Variants in RFX8 observed in about 807,000 individuals in gnomAD.
RFX8 encodes regulatory factor X8, also known as DNA-binding protein RFX8.
In RFX8, 46 loss-of-function variants were observed where a neutral mutation model predicts 54.6. The observed-to-expected ratio is 0.84, with a 90% confidence interval of 0.67 to 1.08. The LOEUF is 1.08. RFX8 is among the 50% of genes least tolerant of loss of function. RFX8 has a pLI of 0.00. For missense variants in RFX8, 536 were observed against 562.3 expected, an observed-to-expected ratio of 0.95 and a Z score of 0.47; for synonymous variants, 192 against 209.5, an observed-to-expected ratio of 0.92 and a Z score of 0.72.
chr2:101,460,200 T>A (rs867173678), intron 2 of RFX8, among the ~76,000 whole-genome samples: 1 of 151,878 alleles, frequency 6.6e-6, no homozygotes, highest in African/African-American at 2.4e-5. Flanking sequence ...TTGAGCTTCC[T>A]GGTGAGGCGA....
At chr2:101,456,740 G>A (rs1688988277) in intron 2 of RFX8, among the ~76,000 whole-genome samples, 1 of 152,140 alleles carries the variant, frequency 6.6e-6, no homozygotes, top group Admixed American at 6.5e-5. Flanking sequence ...AAATGAGTTA[G>A]GGAAGATTCC....
At chr2:101,400,916 T>C (rs1018509356) in intron 11 of RFX8, among the ~76,000 whole-genome samples, 1 of 152,084 alleles carries the variant, frequency 6.6e-6, no homozygotes, top group East Asian at 1.9e-4. Context: ...AGCCAAGCCA[T>C]CGCCTCTTCA....
At chr2:101,412,435 G>A (rs1686193408) in intron 8 of RFX8, among the ~76,000 whole-genome samples, 1 of 152,208 alleles carries the variant, frequency 6.6e-6, no homozygotes, top group Non-Finnish European at 1.5e-5. Flanking sequence ...TGTTTGGAAA[G>A]TAATGAAATA....
intron 9 of RFX8, among the ~76,000 whole-genome samples, chr2:101,410,121 G>C (rs1236733067): frequency 6.6e-6 from 1 of 151,882 alleles, no homozygotes; most frequent in Non-Finnish European, 1.5e-5. Flanking sequence ...CACTCCCTTT[G>C]CTGCAATACA....
At chr2:101,433,693 A>C (rs1432036615) in intron 2 of RFX8, among the ~76,000 whole-genome samples, 1 of 152,218 alleles carries the variant, frequency 6.6e-6, no homozygotes, top group African/African-American at 2.4e-5. Flanking sequence ...AAATCACTCT[A>C]ACCAGTGGTG....
chr2:101,418,033 G>A (rs1318052378), intron 5 of RFX8, among the ~76,000 whole-genome samples: 1 of 152,026 alleles, frequency 6.6e-6, no homozygotes, highest in Non-Finnish European at 1.5e-5. Flanking sequence ...GGGATTACAG[G>A]TGCATGCCAC....
intron 2 of RFX8, among the ~76,000 whole-genome samples, chr2:101,464,862 G>A (rs967969383): frequency 6.6e-6 from 1 of 152,104 alleles, no homozygotes; most frequent in African/African-American, 2.4e-5. Flanking sequence ...TTTTTGCTAT[G>A]TTAGAAAAGG....
At chr2:101,437,559 G>A (rs191225272) in intron 2 of RFX8, among the ~76,000 whole-genome samples, 10 of 151,662 alleles carry the variant, frequency 6.6e-5, no homozygotes, top group African/African-American at 1.9e-4. Flanking sequence ...CTCCAGCCTG[G>A]GCAACAGGTG....
Position 101,466,757 on chromosome 2 carries a change from C to G in RFX8, c.72+20G>C, listed in dbSNP as rs1365526483. 6.5e-7 allele frequency: 1 copy of G among 1,531,468 alleles called. No homozygotes were observed. The highest frequency in any genetic ancestry group is 8.9e-7 in the Non-Finnish European group (1 of 1,128,754). 94.9% of individuals were successfully genotyped at this position (1,531,468 alleles called of 1,614,324 possible). On this transcript the variant is annotated intron_variant, in intron 2 of 11. Transcript: ENST00000428343. Reference sequence around the variant, plus strand: ...TTTTGCACTCAGTGAATAGAGCGTTCTTAATCTTCAACAACTTACCTTCCC... The same window carrying G: ...TTTTGCACTCAGTGAATAGAGCGTTGTTAATCTTCAACAACTTACCTTCCC...
chr2:101,423,702 G>A (rs940368848), intron 2 of RFX8, among the ~76,000 whole-genome samples: 2 of 152,072 alleles, frequency 1.3e-5, no homozygotes, highest in African/African-American at 4.8e-5. Context: ...TGTGGGTTTT[G>A]GTATGTTCCT....
At chr2:101,462,084 T>C (rs1484106698) in intron 2 of RFX8, among the ~76,000 whole-genome samples, 2 of 152,178 alleles carry the variant, frequency 1.3e-5, no homozygotes, top group Non-Finnish European at 2.9e-5. Context: ...TGGGGACTTA[T>C]GGTGTTTAAA....
chr2:101,461,679 C>CGT lies in RFX8; in HGVS notation c.72+5097_72+5098insAC, dbSNP rs1223450261. ...ATTTTAATATAGAGAGCAAATACAA[C>CGT]ACAGTTAAAATGAAAAAATCAACTG... On this transcript the variant is annotated intron_variant, in intron 2 of 11. Coordinates refer to ENST00000428343, the MANE Select transcript of RFX8 (RefSeq NM_001145664.2). Among the ~76,000 whole-genome samples, 46 of 152,184 alleles carry CGT rather than the reference C, an allele frequency of 3.0e-4. No homozygotes were observed. The East Asian group carries it at 5.6e-3, about 19-fold the overall frequency.
chr2:101,448,136 G>C (rs1462962762), intron 2 of RFX8, among the ~76,000 whole-genome samples: 5 of 152,184 alleles, frequency 3.3e-5, no homozygotes, highest in Admixed American at 3.3e-4. Context: ...TTGTTGCATT[G>C]GGGATCAGGT....
At position 101,463,622 on chromosome 2, in the gene RFX8, G is replaced by C. The variant is rs554190162; in HGVS notation, c.72+3155C>G. Among the ~76,000 whole-genome samples the C allele has an allele frequency of 3.6e-4, 55 of 152,322 alleles. 1 individual carries two copies. Among genetic ancestry groups the C allele is most frequent in the South Asian group, 2.7e-3 (13 of 4,826 alleles). ...CAGGCAGCACGTGACCACTGAAAAG[G>C]GTGTTTCACCAAGCCTGGGGATGCA... On this transcript the variant is annotated intron_variant, in intron 2 of 11. Transcript: ENST00000428343.
Position 101,474,623 on chromosome 2 carries a change from A to C in RFX8, c.-53+13T>G. The C allele has an allele frequency of 9.2e-6, 2 of 216,408 alleles. No homozygotes were observed. Among genetic ancestry groups the C allele is most frequent in the Non-Finnish European group, 9.1e-6 (1 of 109,838 alleles). The allele number at this position is 216,408 out of a possible 1,614,324, so 13.4% of individuals were successfully genotyped here. On this transcript the variant is annotated intron_variant, in intron 1 of 11. Coordinates refer to ENST00000428343, the MANE Select transcript of RFX8 (RefSeq NM_001145664.2). ...CAGTCAAACAGGGACGCGAACAACA[A>C]GCACCAACTTACACCTTTTCCAATC...
chr2:101,434,505 A>G (rs917012417), intron 2 of RFX8, among the ~76,000 whole-genome samples: 69 of 150,086 alleles, frequency 4.6e-4, no homozygotes, highest in African/African-American at 1.6e-3. Flanking sequence ...AAACTCAGCC[A>G]CTGGGGGTCA....
intron 1 of RFX8, among the ~76,000 whole-genome samples, chr2:101,473,317 A>C (rs990836400): frequency 6.6e-6 from 1 of 152,232 alleles, no homozygotes; most frequent in Non-Finnish European, 1.5e-5. Flanking sequence ...AGAACGATGC[A>C]TGAGGGGCCT....
chr2:101,472,360 C>G (rs1311696664), intron 1 of RFX8, among the ~76,000 whole-genome samples: 1 of 152,134 alleles, frequency 6.6e-6, no homozygotes, highest in Non-Finnish European at 1.5e-5. Context: ...CCTCGGCCTC[C>G]CAAAGTGCTG....
intron 2 of RFX8, among the ~76,000 whole-genome samples, chr2:101,461,238 G>A (rs574701049): frequency 4.3e-5 from 6 of 137,946 alleles, no homozygotes; most frequent in East Asian, 2.1e-4. Context: ...ACCCCAGCCC[G>A]GGCGACAGAG....
Sources: gnomAD v4.1 joint callset for allele counts (sites outside exome capture counted in the v4.1 genomes callset) on GRCh38, gnomAD v4.1.1 for gene constraint, MANE v1.5 for transcripts, NCBI Gene and HGNC (gene_info 2026-07-23, HGNC 2026-07-21) for gene names.